Variants in TRIM2 observed in about 807,000 individuals in gnomAD.
TRIM2 encodes tripartite motif containing 2.
TRIM2 carries 20 observed loss-of-function variants against 75.2 expected under a neutral mutation model. The ratio of observed to expected loss-of-function variants is 0.27; its 90% CI spans 0.19 to 0.39. TRIM2 has a LOEUF of 0.39. Among genes scored for constraint, TRIM2 ranks in the 10% least tolerant of loss-of-function variants. TRIM2 has a pLI of 1.00. For missense variants in TRIM2, 660 were observed against 990.8 expected, an observed-to-expected ratio of 0.67 and a Z score of 4.48; for synonymous variants, 373 against 388.3, an observed-to-expected ratio of 0.96 and a Z score of 0.46.
At chr4:153,200,449 G>T (rs1252545259), upstream of TRIM2, among the ~76,000 whole-genome samples, 1 of 152,068 alleles carries the variant, frequency 6.6e-6, no homozygotes, top group South Asian at 2.1e-4. Context: ...GGACATTTGG[G>T]CTGTTTCCAT....
intron 2 of TRIM2, among the ~76,000 whole-genome samples, chr4:153,270,803 T>C (rs999237917): frequency 2.0e-5 from 3 of 152,244 alleles, no homozygotes; most frequent in South Asian, 2.1e-4. Flanking sequence ...CTTCCCTTTG[T>C]TCTTTGTGAA....
chr4:153,255,687 G>A (rs894878329), intron 1 of TRIM2, among the ~76,000 whole-genome samples: 1 of 152,210 alleles, frequency 6.6e-6, no homozygotes, highest in Non-Finnish European at 1.5e-5. Context: ...TGGCCAAAAA[G>A]TGGAAACAAC....
intron 1 of TRIM2, among the ~76,000 whole-genome samples, chr4:153,186,420 T>G (rs1315455983): frequency 2.0e-5 from 3 of 152,194 alleles, no homozygotes; most frequent in Non-Finnish European, 4.4e-5. Context: ...TGGAGGGCAT[T>G]TAAGAGACTT....
chr4:153,183,478 T>TGG, intron 1 of TRIM2, among the ~76,000 whole-genome samples: 1 of 152,094 alleles, frequency 6.6e-6, no homozygotes, highest in Non-Finnish European at 1.5e-5. Flanking sequence ...AGCACAGGTG[T>TGG]GGGAACCTGA....
intron 6 of TRIM2, among the ~76,000 whole-genome samples, chr4:153,300,759 G>C (rs1763722891): frequency 6.6e-6 from 1 of 151,910 alleles, no homozygotes; most frequent in African/African-American, 2.4e-5. Flanking sequence ...TCTTGACCTT[G>C]TGATCCACCC....
chr4:153,222,011 GAAGGAAAGAGCA>G (rs1740552614), intron 1 of TRIM2, among the ~76,000 whole-genome samples: 1 of 44,216 alleles, frequency 2.3e-5, no homozygotes, highest in Non-Finnish European at 4.9e-5. Flanking sequence ...AGGAAAGAAG[GAAGGAAAGAGCA>G]AGGAAGGAAG....
rs1560883171 is a variant in TRIM2, at chr4:153,248,461, A to C, written c.31-21874A>C. Among the ~76,000 whole-genome samples, 1 of 152,216 alleles carries C rather than the reference A, an allele frequency of 6.6e-6. No homozygotes were observed. Among genetic ancestry groups the C allele is most frequent in the Non-Finnish European group, 1.5e-5 (1 of 68,030 alleles). ...TGTAAGTGGCAGAGCCAGGATCCAA[A>C]CCCATTCTTGGCTCTAGAGCCCATC... is the stretch of plus-strand genomic sequence containing the variant. On this transcript the variant is annotated intron_variant, in intron 1 of 11. Transcript: ENST00000338700. This position sits in a 1 kb window ranked among gnomAD's most constrained non-coding sequence, Gnocchi z 4.0.
In TRIM2 at chr4:153,270,535, G is replaced by A. The variant is rs1350088628; in HGVS notation, c.215+16G>A. ...TCTGCGAGAGGTAAGCCTCCTTTGT[G>A]CTTGGAGAAGGGAGTTTCGCAGGCT... On this transcript the variant is annotated intron_variant, in intron 2 of 11. Transcript: ENST00000338700. The A allele has an allele frequency of 6.3e-7, 1 of 1,583,954 alleles. No homozygotes were observed. The highest frequency in any genetic ancestry group is 8.6e-7 in the Non-Finnish European group (1 of 1,163,190).
chr4:153,334,148 A>C (rs1772092898), intron 11 of TRIM2, among the ~76,000 whole-genome samples: 1 of 152,078 alleles, frequency 6.6e-6, no homozygotes, highest in Non-Finnish European at 1.5e-5. Context: ...AATAAGCTTC[A>C]TTCATTTTTA....
intron 1 of TRIM2, among the ~76,000 whole-genome samples, chr4:153,237,376 C>T (rs1269971590): frequency 1.2e-5 from 1 of 83,316 alleles, no homozygotes; most frequent in Non-Finnish European, 2.4e-5. Context: ...TAGGAGTGTG[C>T]ATACTAATAA....
In TRIM2 at chr4:153,295,646, A is replaced by G; in HGVS notation, c.1120A>G (p.Thr374Ala). ...CATCATCGGGCAGCCCATGTCCGTC[A>G]CCATCACCACCAAGGACAAAGACGG... ...QTIIGQPMSVTITTKDKDGEL... is the reference protein window; with the variant it reads ...QTIIGQPMSVAITTKDKDGEL... Residue 374 changes from threonine (T) to alanine (A), a missense_variant, in exon 6 of 12, where the codon ACC (threonine) becomes GCC (alanine). Physicochemically the swap from Thr to Ala is moderately conservative, Grantham distance 58. Coordinates refer to ENST00000338700, the MANE Select transcript of TRIM2 (RefSeq NM_015271.5). The surrounding 1 kb of genome is among the most constrained non-coding windows in gnomAD (Gnocchi z 7.2). The G allele has an allele frequency of 6.2e-7, 1 of 1,614,032 alleles. No homozygotes were observed. The highest frequency in any genetic ancestry group is 8.5e-7 in the Non-Finnish European group (1 of 1,180,010).
At chr4:153,246,959 G>C (rs531217830) in intron 1 of TRIM2, among the ~76,000 whole-genome samples, 4 of 152,234 alleles carry the variant, frequency 2.6e-5, no homozygotes, top group Non-Finnish European at 5.9e-5. Context: ...TGTTTGTTTA[G>C]AGTGCATTCA....
In TRIM2 at chr4:153,244,418, TTCTTCTTC is replaced by T. The variant is rs1560875555; in HGVS notation, c.31-25915_31-25908del. On this transcript the variant is annotated intron_variant, in intron 1 of 11. Coordinates refer to ENST00000338700, the MANE Select transcript of TRIM2 (RefSeq NM_015271.5). ...CTTCTTCTTCTTCTTCTTCTTCTTC[TTCTTCTTC>T]TTCTTCTTCTTTTAATTAGAGAGGA... Among the ~76,000 whole-genome samples the T allele has an allele frequency of 1.6e-3, 135 of 84,360 alleles. 12 individuals carry two copies. Among genetic ancestry groups the T allele is most frequent in the Non-Finnish European group, 2.7e-3 (112 of 41,686 alleles). 55.3% of individuals were successfully genotyped at this position (84,360 alleles called of 152,430 possible). A position where few individuals can be genotyped will look rare whatever the true frequency, so the allele number is the denominator to read the frequency against.
At chr4:153,243,818 T>TCCC (rs77308682) in intron 1 of TRIM2, among the ~76,000 whole-genome samples, 3 of 98,684 alleles carry the variant, frequency 3.0e-5, no homozygotes, top group Admixed American at 9.8e-5. Context: ...TTTTTTTTTT[T>TCCC]CCCCCCCCCC....
chr4:153,239,196 C>T (rs998530254), intron 1 of TRIM2, among the ~76,000 whole-genome samples: 1 of 152,050 alleles, frequency 6.6e-6, no homozygotes, highest in African/African-American at 2.4e-5. Context: ...ACTAAAAATA[C>T]AAAAAATTAG....
intron 1 of TRIM2, among the ~76,000 whole-genome samples, chr4:153,164,919 TG>T (rs1437661492): frequency 5.3e-5 from 8 of 152,204 alleles, no homozygotes; most frequent in Non-Finnish European, 1.2e-4. Flanking sequence ...GATTTTTTTT[TG>T]TTTTGTTTTA....
At chr4:153,296,987 T>C (rs1762897442) in intron 6 of TRIM2, among the ~76,000 whole-genome samples, 1 of 152,216 alleles carries the variant, frequency 6.6e-6, no homozygotes, top group African/African-American at 2.4e-5. Flanking sequence ...AAGTGGACTT[T>C]TTTAAATTGC....
chr4:153,186,738 A>G (rs1048574565), intron 1 of TRIM2, among the ~76,000 whole-genome samples: 1 of 152,168 alleles, frequency 6.6e-6, no homozygotes, highest in Non-Finnish European at 1.5e-5. Context: ...AATTTGAGCC[A>G]CACCCTCACC....
At position 153,335,255 on chromosome 4, in the gene TRIM2, A is replaced by G; in HGVS notation, c.*289A>G. 8 of 1,069,254 alleles carry G rather than the reference A, an allele frequency of 7.5e-6. No individual in the cohort carries two copies. The highest frequency in any genetic ancestry group is 9.0e-6 in the Non-Finnish European group (8 of 893,076). 66.2% of individuals were successfully genotyped at this position (1,069,254 alleles called of 1,614,324 possible). A position where few individuals can be genotyped will look rare whatever the true frequency, so the allele number is the denominator to read the frequency against. ...ATTTATGTAGCTAAACTAATTTTGC[A>G]AATCAAACAGACACTTAAAAAACTA... is the stretch of plus-strand genomic sequence containing the variant. On this transcript the variant is annotated 3_prime_UTR_variant, in exon 12 of 12. Transcript: ENST00000338700.
Sources: allele counts gnomAD v4.1 joint callset (sites outside exome capture counted in the v4.1 genomes callset), GRCh38; gene constraint gnomAD v4.1.1; non-coding constraint Gnocchi (gnomAD v3.1); transcripts MANE v1.5; gene names NCBI Gene and HGNC (gene_info 2026-07-23, HGNC 2026-07-21).